Variants in CNTNAP5 observed in about 807,000 individuals in gnomAD.
The protein encoded by CNTNAP5 is contactin-associated protein-like 5.
CNTNAP5 carries 72 observed loss-of-function variants against 150.2 expected under a neutral mutation model. That is an observed-to-expected ratio of 0.48 (90% confidence interval 0.40 to 0.58). CNTNAP5 has a LOEUF of 0.58. Among genes scored for constraint, CNTNAP5 ranks in the 20% least tolerant of loss-of-function variants. CNTNAP5 has a pLI of 0.00. For missense variants in CNTNAP5, 1,636 were observed against 1,626.2 expected, an observed-to-expected ratio of 1.01 and a Z score of -0.10; for synonymous variants, 672 against 619.8, an observed-to-expected ratio of 1.08 and a Z score of -1.25.
chr2:124,115,084 T>A (rs534158876), intron 1 of CNTNAP5, among the ~76,000 whole-genome samples: 8 of 152,214 alleles, frequency 5.3e-5, no homozygotes, highest in Non-Finnish European at 1.0e-4. Context: ...TATTATGTCA[T>A]GATATATAAA....
At chr2:124,044,773 A>G (rs1681479395) in intron 1 of CNTNAP5, among the ~76,000 whole-genome samples, 1 of 152,062 alleles carries the variant, frequency 6.6e-6, no homozygotes, top group South Asian at 2.1e-4. Flanking sequence ...CTGTGAAATG[A>G]TCTTGGCATG....
chr2:124,751,155 C>T (rs549385497), intron 14 of CNTNAP5, among the ~76,000 whole-genome samples: 6 of 150,964 alleles, frequency 4.0e-5, no homozygotes, highest in African/African-American at 1.2e-4. Context: ...GCAGCAGTTA[C>T]GTTTTGAAGG....
At chr2:124,886,562 A>T (rs1310526035) in intron 21 of CNTNAP5, among the ~76,000 whole-genome samples, 1 of 152,062 alleles carries the variant, frequency 6.6e-6, no homozygotes, top group African/African-American at 2.4e-5. Flanking sequence ...TACTTTTTAA[A>T]AGGGGAGAAA....
At chr2:124,617,183 C>T (rs771972514) in intron 12 of CNTNAP5, among the ~76,000 whole-genome samples, 14 of 151,468 alleles carry the variant, frequency 9.2e-5, no homozygotes, top group Non-Finnish European at 1.3e-4. Flanking sequence ...CAGACTTGCT[C>T]AACATAGGGT....
At position 124,311,488 on chromosome 2, in the gene CNTNAP5, T is replaced by C. The variant is rs565632144; in HGVS notation, c.381+69095T>C. ...AAAGCGAGAAAGAAGGAAAGAAAGATTTTTTGTCTTTTTACAAGGACACCA... is the reference window on the plus strand; with the variant it reads ...AAAGCGAGAAAGAAGGAAAGAAAGACTTTTTGTCTTTTTACAAGGACACCA... On this transcript the variant is annotated intron_variant, in intron 3 of 23. Coordinates refer to ENST00000682447, the MANE Select transcript of CNTNAP5 (RefSeq NM_001367498.1). 2.6e-5 allele frequency among the ~76,000 whole-genome samples: 4 copies of C among 152,100 alleles called. No individual in the cohort carries two copies. The South Asian group carries it at 8.3e-4, about 32-fold the overall frequency.
chr2:124,133,857 T>G (rs554794152), intron 1 of CNTNAP5, among the ~76,000 whole-genome samples: 2 of 152,246 alleles, frequency 1.3e-5, no homozygotes, highest in South Asian at 2.1e-4. Flanking sequence ...AACCCCATAG[T>G]GTATATTTTA....
intron 1 of CNTNAP5, among the ~76,000 whole-genome samples, chr2:124,032,309 G>A (rs925290611): frequency 2.6e-5 from 4 of 152,004 alleles, no homozygotes; most frequent in African/African-American, 7.3e-5. Flanking sequence ...CTTGGTAGAA[G>A]GATAGAAGAA....
chr2:124,151,208 C>T (rs1684398519), intron 1 of CNTNAP5, among the ~76,000 whole-genome samples: 1 of 152,112 alleles, frequency 6.6e-6, no homozygotes, highest in South Asian at 2.1e-4. Flanking sequence ...GGCCGGAGCT[C>T]CCAGTGGGAA....
chr2:124,626,867 G>A (rs553934386), intron 12 of CNTNAP5, among the ~76,000 whole-genome samples: 9 of 152,220 alleles, frequency 5.9e-5, no homozygotes, highest in African/African-American at 1.2e-4. Context: ...CTGAGTTCCC[G>A]GTGGGAGGAG....
intron 12 of CNTNAP5, among the ~76,000 whole-genome samples, chr2:124,617,308 A>G (rs1677513145): frequency 6.6e-6 from 1 of 152,160 alleles, no homozygotes; most frequent in Admixed American, 6.5e-5. Context: ...AAACAGAGGT[A>G]TATTTTCTCA....
intron 1 of CNTNAP5, among the ~76,000 whole-genome samples, chr2:124,133,292 T>C (rs938182840): frequency 6.6e-6 from 1 of 152,076 alleles, no homozygotes; most frequent in East Asian, 1.9e-4. Context: ...GGCCCTTTGG[T>C]CCTTAAAAAA....
intron 19 of CNTNAP5, among the ~76,000 whole-genome samples, chr2:124,817,886 A>G (rs1420584410): frequency 1.3e-5 from 2 of 152,194 alleles, no homozygotes; most frequent in Non-Finnish European, 2.9e-5. Context: ...TGCATTGCAG[A>G]TAATTTTAAA....
chr2:124,633,741 G>A (rs758301637), intron 12 of CNTNAP5, among the ~76,000 whole-genome samples: 2 of 152,170 alleles, frequency 1.3e-5, no homozygotes, highest in Non-Finnish European at 2.9e-5. Context: ...GTTTTTGCCT[G>A]GACATACAGG....
rs1681582309 is a variant in CNTNAP5, at chr2:124,786,394, A to AGAAAGAAAGAAG, written c.2753-3501_2753-3500insAGAAGGAAAGAA. Among the ~76,000 whole-genome samples, 2 of 62,040 alleles carry AGAAAGAAAGAAG rather than the reference A, an allele frequency of 3.2e-5. 1 individual carries two copies. Among genetic ancestry groups the AGAAAGAAAGAAG allele is most frequent in the African/African-American group, 1.4e-4 (2 of 13,816 alleles). 40.7% of individuals were successfully genotyped at this position (62,040 alleles called of 152,430 possible). ...AAGAAAGAAAGAAAGAAAGAAAGAA[A>AGAAAGAAAGAAG]GAAAGAAGGAAGGAAGGAAGGAAGG... On this transcript the variant is annotated intron_variant, in intron 17 of 23. Transcript: ENST00000682447.
intron 5 of CNTNAP5, among the ~76,000 whole-genome samples, chr2:124,441,461 T>C (rs1037380847): frequency 3.3e-5 from 5 of 152,100 alleles, no homozygotes; most frequent in Non-Finnish European, 2.9e-5. Flanking sequence ...TCCAGAATTG[T>C]TTTTAGTCTA....
chr2:124,824,294 C>T (rs1008104467), intron 19 of CNTNAP5, among the ~76,000 whole-genome samples: 3 of 152,156 alleles, frequency 2.0e-5, no homozygotes, highest in African/African-American at 2.4e-5. Context: ...TTACCATCTT[C>T]GCATGTTATT....
chr2:124,551,614 C>G (rs1695630111), intron 10 of CNTNAP5, among the ~76,000 whole-genome samples: 1 of 152,014 alleles, frequency 6.6e-6, no homozygotes, highest in African/African-American at 2.4e-5. Context: ...CTTTTGTCTC[C>G]AAGGAAAGCA....
At chr2:124,330,246 T>A (rs1573920238) in intron 3 of CNTNAP5, among the ~76,000 whole-genome samples, 1 of 152,304 alleles carries the variant, frequency 6.6e-6, no homozygotes, top group East Asian at 1.9e-4. Context: ...TTGGAAGATA[T>A]AATATTCCAG....
chr2:124,866,206 G>A (rs993695098), intron 20 of CNTNAP5, among the ~76,000 whole-genome samples: 1 of 152,094 alleles, frequency 6.6e-6, no homozygotes, highest in South Asian at 2.1e-4. Context: ...GTTGCAGTGA[G>A]CAGAGATCCC....
Sources: allele counts gnomAD v4.1 joint callset (sites outside exome capture counted in the v4.1 genomes callset), GRCh38; gene constraint gnomAD v4.1.1; transcripts MANE v1.5; gene names NCBI Gene and HGNC (gene_info 2026-07-23, HGNC 2026-07-21).